ZNF410: variants seen among roughly 807,000 people sequenced by gnomAD.
The protein encoded by ZNF410 is another partner for ARF 1.
ZNF410 carries 18 observed loss-of-function variants against 54.8 expected under a neutral mutation model. The observed-to-expected ratio is 0.33, with a 90% confidence interval of 0.23 to 0.49. The LOEUF (loss-of-function observed/expected upper bound fraction) is 0.49, where lower values mean the gene tolerates loss of function less well. Among genes scored for constraint, ZNF410 ranks in the 20% least tolerant of loss-of-function variants. The pLI is 0.99. For synonymous variants in ZNF410, 191 were observed against 207.3 expected (o/e 0.92, Z 0.68); for missense variants, 405 against 569.6 (o/e 0.71, Z 2.94).
At chr14:73,902,714 A>C (rs993839473) in intron 5 of ZNF410, among the ~76,000 whole-genome samples, 1 of 152,192 alleles carries the variant, frequency 6.6e-6, no homozygotes, top group Admixed American at 6.5e-5. Flanking sequence ...AATGACTATT[A>C]ATTTTTTTCT....
chr14:73,896,126 G>T, intron 3 of ZNF410, 190 bp from the exon 4 acceptor site: 1 of 567,330 alleles, frequency 1.8e-6, no homozygotes, highest in Non-Finnish European at 3.1e-6. Context: ...TCACGTTTTG[G>T]CTGACTGCCT....
chr14:73,902,070 GTTT>G (rs201313257), intron 5 of ZNF410: 5 of 139,526 alleles, frequency 3.6e-5, no homozygotes, highest in Admixed American at 7.2e-5. Flanking sequence ...TATATGTGTA[GTTT>G]TTTTTTTTTT....
At position 73,892,169 on chromosome 14, in the gene ZNF410, T is replaced by A. The variant is rs1456695382; in HGVS notation, c.-7T>A. The A allele has an allele frequency of 3.7e-6, 6 of 1,613,886 alleles. No individual in the cohort carries two copies. In the Admixed American group the frequency reaches 1.0e-4, roughly 27 times the overall value. ...CTGAATAGCTACAGGTTTTGGAAGC[T>A]GAATCAATGTTATCAGATGAGTTAG... On this transcript the variant is annotated 5_prime_UTR_variant, in exon 2 of 12. Coordinates refer to ENST00000555044, the MANE Select transcript of ZNF410 (RefSeq NM_021188.3).
chr14:73,927,483 A>T (rs533046787), intron 11 of ZNF410, among the ~76,000 whole-genome samples: 1 of 152,302 alleles, frequency 6.6e-6, no homozygotes, highest in East Asian at 1.9e-4. Context: ...TACCTAGTAC[A>T]CATTATTATT....
At chr14:73,888,459 C>T (rs2055177060) in intron 1 of ZNF410, 1 of 152,086 alleles carries the variant, frequency 6.6e-6, no homozygotes, top group African/African-American at 2.4e-5. Context: ...CCTTTAAGCT[C>T]ATAGTAAACA....
intron 5 of ZNF410, among the ~76,000 whole-genome samples, chr14:73,900,228 A>C (rs1335998166): frequency 6.6e-6 from 1 of 151,878 alleles, no homozygotes; most frequent in East Asian, 1.9e-4. Context: ...AATATAAGAC[A>C]ATCTTTTATT....
intron 2 of ZNF410, among the ~76,000 whole-genome samples, chr14:73,892,571 A>G (rs1474862913): frequency 1.3e-5 from 2 of 151,940 alleles, no homozygotes; most frequent in Non-Finnish European, 2.9e-5. Flanking sequence ...TTTATTTTAT[A>G]TATATCTGTA....
intron 8 of ZNF410, among the ~76,000 whole-genome samples, chr14:73,917,026 C>T (rs903970850): frequency 1.1e-4 from 16 of 152,002 alleles, no homozygotes; most frequent in Non-Finnish European, 2.1e-4. Flanking sequence ...TAGAACTTTT[C>T]GGTGGAAAGA....
At chr14:73,894,238 AAT>A in intron 3 of ZNF410, 3 of 673,750 alleles carry the variant, frequency 4.5e-6, no homozygotes, top group Non-Finnish European at 8.1e-6. Flanking sequence ...CAAAGACTAA[AAT>A]AGTTGGATGA....
chr14:73,888,054 A>G (rs760663455), intron 1 of ZNF410, among the ~76,000 whole-genome samples: 1 of 152,112 alleles, frequency 6.6e-6, no homozygotes, highest in Non-Finnish European at 1.5e-5. Context: ...TATAGTAGAA[A>G]GTTACTGAGA....
In ZNF410 at chr14:73,905,139, G is replaced by A. The variant is rs2055461739; in HGVS notation, c.913+56G>A. On this transcript the variant is annotated intron_variant, in intron 7 of 11. Coordinates refer to ENST00000555044, the MANE Select transcript of ZNF410 (RefSeq NM_021188.3). ...GTCTGCTCCTTGGCTCTGCATGTTT[G>A]CCTCTCCTTAGGAAAGACTCAAGTG... 24 of 1,562,492 alleles carry A rather than the reference G, an allele frequency of 1.5e-5. No homozygotes were observed. The South Asian group carries it at 2.6e-4, about 17-fold the overall frequency.
At chr14:73,900,491 A>G (rs752250547) in intron 5 of ZNF410, among the ~76,000 whole-genome samples, 21 of 150,618 alleles carry the variant, frequency 1.4e-4, no homozygotes, top group Non-Finnish European at 2.1e-4. Flanking sequence ...TCTCTGCCTC[A>G]GCCTCCCGAG....
chr14:73,893,280 C>G (rs1438260046), intron 2 of ZNF410: 1 of 152,188 alleles, frequency 6.6e-6, no homozygotes. Context: ...TGAAGTGTCA[C>G]TTAGCGATAG....
At chr14:73,915,274 AGTG>A (rs1321105396) in intron 8 of ZNF410, among the ~76,000 whole-genome samples, 7 of 149,158 alleles carry the variant, frequency 4.7e-5, no homozygotes, top group Non-Finnish European at 8.9e-5. Context: ...AAAAAAAAAA[AGTG>A]GTGAGAGTAC....
chr14:73,892,788 A>G (rs2055252210), intron 2 of ZNF410, among the ~76,000 whole-genome samples: 1 of 152,162 alleles, frequency 6.6e-6, no homozygotes, highest in Non-Finnish European at 1.5e-5. Context: ...CAGCTGTAAA[A>G]TATGCCTTAA....
chr14:73,893,652 T>C (rs2055265606), intron 2 of ZNF410, 145 bp from the exon 3 acceptor site: 5 of 908,808 alleles, frequency 5.5e-6, no homozygotes, highest in Non-Finnish European at 6.1e-6. Flanking sequence ...CTTGATAAAA[T>C]AACTTTAGAT....
intron 11 of ZNF410, among the ~76,000 whole-genome samples, chr14:73,927,550 G>A (rs919154507): frequency 2.0e-5 from 3 of 152,100 alleles, no homozygotes; most frequent in African/African-American, 7.2e-5. Flanking sequence ...AAACCTCAGA[G>A]CTTTTCTCTC....
At chr14:73,924,092 A>G (rs2055793784) in intron 11 of ZNF410, among the ~76,000 whole-genome samples, 1 of 152,224 alleles carries the variant, frequency 6.6e-6, no homozygotes, top group African/African-American at 2.4e-5. Context: ...AAATGGGCAT[A>G]TACAGATTTG....
rs142729287 is a variant in ZNF410, at chr14:73,922,088, T to C, written c.1152T>C (p.Ser384=). The change falls in exon 10 of 12, where the codon AGT becomes AGC. Residue 384 remains serine, a synonymous_variant. Transcript: ENST00000555044. The part of the protein sequence containing the change: ...EQTAEPLMGS[S]LLEEASVPSK... ...CAGCTGAGCCACTAATGGGCAGTAG[T>C]TTGCTTGAAGAGGCTTCAGTACCCA... 2,592 of 1,614,100 alleles carry C rather than the reference T, an allele frequency of 1.6e-3. 8 individuals are homozygous for C. The highest frequency in any genetic ancestry group is 2.2e-3 in the Admixed American group (131 of 60,006).
Sources: allele counts gnomAD v4.1 joint callset (sites outside exome capture counted in the v4.1 genomes callset), GRCh38; gene constraint gnomAD v4.1.1; transcripts MANE v1.5; gene names NCBI Gene and HGNC (gene_info 2026-07-23, HGNC 2026-07-21).